Variants in NAV3 observed in about 807,000 individuals in gnomAD.
NAV3 encodes pore membrane and/or filament interacting like protein 1.
Under a neutral mutation model 244.7 loss-of-function variants are expected in NAV3, and 87 were observed. That is an observed-to-expected ratio of 0.36 (90% confidence interval 0.30 to 0.42). The LOEUF (loss-of-function observed/expected upper bound fraction) is 0.42, where lower values mean the gene tolerates loss of function less well. Ranked by LOEUF, NAV3 falls within the 20% of genes least tolerant of loss-of-function variation. The pLI, the probability that NAV3 is intolerant of heterozygous loss-of-function variation, is 1.00. For synonymous variants in NAV3, 1,126 were observed against 1,042.2 expected, an observed-to-expected ratio of 1.08 and a Z score of -1.55; for missense variants, 2,663 against 2,893.3, an observed-to-expected ratio of 0.92 and a Z score of 1.83.
chr12:78,116,600 C>A (rs914887817), intron 12 of NAV3, among the ~76,000 whole-genome samples, 172 bp from the exon 13 acceptor site: 5 of 152,026 alleles, frequency 3.3e-5, no homozygotes, highest in African/African-American at 1.2e-4. Flanking sequence ...CTTATGTAGA[C>A]CCTCAGTTCA....
In NAV3 at chr12:78,069,238, G is replaced by GT. The variant is rs529076032; in HGVS notation, c.2636+10130dup. 8.0e-4 allele frequency among the ~76,000 whole-genome samples: 122 copies of GT among 151,728 alleles called. 3 individuals are homozygous for GT. The South Asian group carries it at 0.025, about 31-fold the overall frequency. ...TAAAGCCTTACCAGAGCTCCCATATGTTTTTTTAGGATAAGTTGTAAATGA... is the reference window on the plus strand; with the variant it reads ...TAAAGCCTTACCAGAGCTCCCATATGTTTTTTTTAGGATAAGTTGTAAATGA... On this transcript the variant is annotated intron_variant, in intron 12 of 39. Transcript: ENST00000397909.
chr12:77,588,306 A>AC (rs750133550), intron 2 of NAV3, among the ~76,000 whole-genome samples: 7 of 151,474 alleles, frequency 4.6e-5, no homozygotes, highest in Non-Finnish European at 8.8e-5. Flanking sequence ...TTTGGTAGAG[A>AC]AAGGGTCCCA....
intron 2 of NAV3, among the ~76,000 whole-genome samples, chr12:77,818,913 A>G (rs527285291): frequency 2.6e-5 from 4 of 152,224 alleles, no homozygotes; most frequent in African/African-American, 9.6e-5. Flanking sequence ...AAAGTAAACA[A>G]ATAGCTCATT....
intron 1 of NAV3, among the ~76,000 whole-genome samples, chr12:77,881,625 A>G (rs1369581790): frequency 6.6e-6 from 1 of 152,150 alleles, no homozygotes; most frequent in Non-Finnish European, 1.5e-5. Context: ...AAATAGGAAA[A>G]TAAGTCAAAC....
intron 24 of NAV3, among the ~76,000 whole-genome samples, chr12:78,169,082 T>G (rs1957896739): frequency 1.3e-5 from 2 of 151,746 alleles, no homozygotes; most frequent in African/African-American, 4.8e-5. Flanking sequence ...TGACTTCCAT[T>G]ATCAGATAAT....
intron 9 of NAV3, among the ~76,000 whole-genome samples, chr12:78,032,045 G>A (rs981308458): frequency 6.6e-6 from 1 of 152,030 alleles, no homozygotes; most frequent in Non-Finnish European, 1.5e-5. Flanking sequence ...CCAAATTCAA[G>A]GCCATTGTCG....
chr12:78,127,587 T>G (rs926637096), intron 17 of NAV3, among the ~76,000 whole-genome samples: 3 of 152,154 alleles, frequency 2.0e-5, no homozygotes, highest in African/African-American at 4.8e-5. Context: ...TAAAATTAAC[T>G]CTTCTAACTT....
At chr12:77,695,364 A>C (rs900987402) in intron 2 of NAV3, among the ~76,000 whole-genome samples, 6 of 152,166 alleles carry the variant, frequency 3.9e-5, no homozygotes, top group Non-Finnish European at 7.4e-5. Context: ...ATTCTTCTGC[A>C]TACGAATATC....
At chr12:77,676,235 C>T (rs1447145784) in intron 2 of NAV3, among the ~76,000 whole-genome samples, 1 of 152,008 alleles carries the variant, frequency 6.6e-6, no homozygotes, top group East Asian at 1.9e-4. Context: ...TCCTAATGCT[C>T]TCCCTTCCCT....
intron 2 of NAV3, among the ~76,000 whole-genome samples, chr12:77,600,906 G>A (rs570399116): frequency 1.3e-4 from 19 of 151,950 alleles, no homozygotes; most frequent in Non-Finnish European, 2.5e-4. Context: ...TTAAAATCTA[G>A]TACATAATCT....
rs117159378 is a variant in NAV3, at chr12:78,128,073, G to A, written c.4281-633G>A. On this transcript the variant is annotated intron_variant, in intron 17 of 39. Coordinates refer to ENST00000397909, the MANE Select transcript of NAV3 (RefSeq NM_001024383.2). ...TTAGTTTGGTGAAACACTGAATAAT[G>A]GCGAAACTAGGTCTTTCTCCATTAT... Among the ~76,000 whole-genome samples, 363 of 152,006 alleles carry A rather than the reference G, an allele frequency of 2.4e-3. 1 individual carries two copies. The highest frequency in any genetic ancestry group is 6.8e-3 in the Middle Eastern group (2 of 294).
intron 1 of NAV3, among the ~76,000 whole-genome samples, chr12:77,920,473 C>T (rs1887602112): frequency 6.6e-6 from 1 of 151,820 alleles, no homozygotes; most frequent in African/African-American, 2.4e-5. Flanking sequence ...TGAATTAAGT[C>T]CTATCTGACC....
intron 1 of NAV3, among the ~76,000 whole-genome samples, chr12:77,916,032 G>A (rs551629085): frequency 6.6e-6 from 1 of 152,130 alleles, no homozygotes; most frequent in East Asian, 1.9e-4. Context: ...GAATTGCAAT[G>A]GGAAGAGGCT....
At chr12:77,926,130 C>G (rs1888192399) in intron 1 of NAV3, among the ~76,000 whole-genome samples, 1 of 152,160 alleles carries the variant, frequency 6.6e-6, no homozygotes, top group Non-Finnish European at 1.5e-5. Context: ...CACAGAGGCT[C>G]TTAAACACAG....
intron 2 of NAV3, among the ~76,000 whole-genome samples, chr12:77,778,904 A>C (rs971713933): frequency 6.6e-6 from 1 of 152,204 alleles, no homozygotes; most frequent in Admixed American, 6.5e-5. Flanking sequence ...GTGATTATTG[A>C]GATTGAATGT....
intron 1 of NAV3, among the ~76,000 whole-genome samples, chr12:77,913,467 C>T (rs569101582): frequency 6.6e-6 from 1 of 152,216 alleles, no homozygotes; most frequent in African/African-American, 2.4e-5. Context: ...CAGTCTCACT[C>T]TGTCACCCAA....
chr12:78,198,052 A>G (rs1042689419), intron 35 of NAV3, among the ~76,000 whole-genome samples: 23 of 151,890 alleles, frequency 1.5e-4, no homozygotes, highest in African/African-American at 5.6e-4. Flanking sequence ...AAAACCCACT[A>G]AAGATTCATT....
chr12:77,630,048 T>A (rs1271167070), intron 2 of NAV3, among the ~76,000 whole-genome samples: 3 of 152,186 alleles, frequency 2.0e-5, no homozygotes, highest in Non-Finnish European at 4.4e-5. Context: ...GTCCCATGGA[T>A]TTAACTTATG....
chr12:78,189,016 C>G (rs1010095094), intron 33 of NAV3, among the ~76,000 whole-genome samples: 2 of 151,802 alleles, frequency 1.3e-5, no homozygotes, highest in African/African-American at 4.8e-5. Flanking sequence ...ATTCAAGACT[C>G]ACAAAAAGGA....
Sources: gnomAD v4.1 joint callset for allele counts (sites outside exome capture counted in the v4.1 genomes callset) on GRCh38, gnomAD v4.1.1 for gene constraint, MANE v1.5 for transcripts, NCBI Gene and HGNC (gene_info 2026-07-23, HGNC 2026-07-21) for gene names.